LIMA1: variants seen among roughly 807,000 people sequenced by gnomAD.
LIMA1 encodes LIM domain and actin binding 1, also known as LIM domain and actin-binding protein 1.
In LIMA1, 52 loss-of-function variants were observed where a neutral mutation model predicts 62.6. The ratio of observed to expected loss-of-function variants is 0.83; its 90% CI spans 0.67 to 1.05. The LOEUF is 1.05. LIMA1 is among the 50% of genes least tolerant of loss of function. LIMA1 has a pLI of 0.00. For synonymous variants in LIMA1, 302 were observed against 317.8 expected, an observed-to-expected ratio of 0.95 and a Z score of 0.53; for missense variants, 780 against 902.2, an observed-to-expected ratio of 0.86 and a Z score of 1.74.
chr12:50,229,067 C>T (rs961687924), intron 3 of LIMA1, among the ~76,000 whole-genome samples: 3 of 152,186 alleles, frequency 2.0e-5, no homozygotes, highest in African/African-American at 7.2e-5. Context: ...ATTCAACATA[C>T]ATCCTGACCA....
intron 3 of LIMA1, among the ~76,000 whole-genome samples, chr12:50,227,237 CTTTTTTTTTT>C (rs199650468): frequency 1.6e-5 from 2 of 123,992 alleles, no homozygotes; most frequent in Non-Finnish European, 3.3e-5. Context: ...TTTTTCTTTT[CTTTTTTTTTT>C]TTTTTTTTTG....
intron 1 of LIMA1, among the ~76,000 whole-genome samples, chr12:50,265,397 G>A (rs1374679595): frequency 6.6e-6 from 1 of 152,022 alleles, no homozygotes; most frequent in Admixed American, 6.6e-5. Flanking sequence ...GCGCATGCCT[G>A]TAATCCCAGC....
At position 50,206,188 on chromosome 12, in the gene LIMA1, A is replaced by G. The variant is rs1941149770; in HGVS notation, c.631-120T>C. ...GATTTGATTTTATATTTTATATTCT[A>G]TAGAATTTTTTTTAAATTACAAATA... On this transcript the variant is annotated intron_variant, in intron 4 of 10. Transcript: ENST00000341247. The G allele has an allele frequency of 1.6e-5, 12 of 728,874 alleles. No homozygotes were observed. The South Asian group carries it at 2.4e-4, about 15-fold the overall frequency. 45.2% of individuals were successfully genotyped at this position (728,874 alleles called of 1,614,324 possible).
Position 50,204,631 on chromosome 12 carries a change from A to G in LIMA1, c.785T>C (p.Leu262Pro). ...TCGATCCTTTATAGAGGTTTCTGAGAGGCGTGGAAGTTCCAGATTTCGTCT... is the reference window on the plus strand; with the variant it reads ...TCGATCCTTTATAGAGGTTTCTGAGGGGCGTGGAAGTTCCAGATTTCGTCT... Reference protein sequence around the residue: ...ESRRNLELPRLSETSIKDRMA... With the variant: ...ESRRNLELPRPSETSIKDRMA... Residue 262 changes from leucine to proline, a missense_variant, in exon 6 of 11, where the codon CTC becomes CCC. Coordinates refer to ENST00000341247, the MANE Select transcript of LIMA1 (RefSeq NM_016357.5). The G allele has an allele frequency of 6.2e-7, 1 of 1,614,240 alleles. No individual in the cohort carries two copies.
chr12:50,204,824 A>T, intron 5 of LIMA1, 124 bp from the exon 6 acceptor site: 1 of 860,344 alleles, frequency 1.2e-6, no homozygotes. Context: ...AGCTCAAGAT[A>T]TCCTCCCGCC....
intron 10 of LIMA1, among the ~76,000 whole-genome samples, chr12:50,180,753 C>T (rs1002372357): frequency 6.6e-6 from 1 of 151,956 alleles, no homozygotes; most frequent in Non-Finnish European, 1.5e-5. Context: ...CCTTAAGTTA[C>T]GAACCATTCT....
intron 1 of LIMA1, among the ~76,000 whole-genome samples, chr12:50,262,735 C>T (rs34833957): frequency 0.2 from 29,828 of 152,054 alleles, 3,840 homozygotes; most frequent in South Asian, 0.34. Flanking sequence ...AGGAGGATCA[C>T]TTGAGCCCAG....
chr12:50,262,235 T>C (rs1278829412), intron 1 of LIMA1, among the ~76,000 whole-genome samples: 1 of 152,124 alleles, frequency 6.6e-6, no homozygotes, highest in African/African-American at 2.4e-5. Context: ...AATAGTAATT[T>C]TAGAAACCAA....
chr12:50,270,619 A>AG (rs1317269429), intron 1 of LIMA1, among the ~76,000 whole-genome samples: 1 of 150,882 alleles, frequency 6.6e-6, no homozygotes, highest in African/African-American at 2.4e-5. Flanking sequence ...AAAAAAAAAA[A>AG]AAAAAAAAAA....
At chr12:50,199,191 C>G (rs1450868574) in intron 7 of LIMA1, among the ~76,000 whole-genome samples, 1 of 152,154 alleles carries the variant, frequency 6.6e-6, no homozygotes, top group Non-Finnish European at 1.5e-5. Context: ...ATTAGCCAGG[C>G]ATGGTGGCAC....
intron 1 of LIMA1, among the ~76,000 whole-genome samples, chr12:50,269,922 TA>T (rs1172694068): frequency 0.038 from 3,564 of 94,746 alleles, 70 homozygotes; most frequent in Non-Finnish European, 0.047. Flanking sequence ...CTCCGTCAAA[TA>T]AAAAAAAAAA....
intron 9 of LIMA1, among the ~76,000 whole-genome samples, chr12:50,184,511 G>T (rs1044045031): frequency 6.6e-6 from 1 of 152,078 alleles, no homozygotes; most frequent in Non-Finnish European, 1.5e-5. Flanking sequence ...GCGTGGTGGC[G>T]GGCGCCTGTA....
At chr12:50,197,349 C>A (rs901290570) in intron 7 of LIMA1, among the ~76,000 whole-genome samples, 4 of 151,342 alleles carry the variant, frequency 2.6e-5, no homozygotes, top group Non-Finnish European at 5.9e-5. Flanking sequence ...GGATTACAGG[C>A]GTGAGCCACC....
At chr12:50,236,389 C>G (rs888777338) in intron 2 of LIMA1, among the ~76,000 whole-genome samples, 10 of 150,844 alleles carry the variant, frequency 6.6e-5, no homozygotes, top group African/African-American at 2.2e-4. Context: ...CGTCTGCCTC[C>G]CAGGTTCAAG....
At chr12:50,275,696 TG>T (rs1390699943) in intron 1 of LIMA1, among the ~76,000 whole-genome samples, 2 of 151,986 alleles carry the variant, frequency 1.3e-5, no homozygotes, top group African/African-American at 4.8e-5. Context: ...CATGAGGCTG[TG>T]GTAACTGCAT....
chr12:50,244,493 C>T (rs1697109021), intron 2 of LIMA1, among the ~76,000 whole-genome samples: 1 of 152,180 alleles, frequency 6.6e-6, no homozygotes, highest in Non-Finnish European at 1.5e-5. Flanking sequence ...CCTGCCATGG[C>T]CTCCCAAAGT....
At position 50,244,073 on chromosome 12, in the gene LIMA1, G is replaced by A. The variant is rs576590431; in HGVS notation, c.119+4560C>T. Among the ~76,000 whole-genome samples, 141 of 146,290 alleles carry A rather than the reference G, an allele frequency of 9.6e-4. 1 individual carries two copies. Among genetic ancestry groups the A allele is most frequent in the African/African-American group, 3.5e-3 (138 of 39,230 alleles). On this transcript the variant is annotated intron_variant, in intron 2 of 10. Transcript: ENST00000341247. ...GGGATTACAGGCACGCACCACCACC[G>A]CCCAGCTAAATTTTTGTATTTTTTT...
chr12:50,208,557 G>A (rs1720822535), intron 4 of LIMA1, among the ~76,000 whole-genome samples: 1 of 152,194 alleles, frequency 6.6e-6, no homozygotes, highest in African/African-American at 2.4e-5. Flanking sequence ...GGCTGCAGTA[G>A]GAAAATTGCT....
intron 9 of LIMA1, among the ~76,000 whole-genome samples, chr12:50,192,150 GATA>G (rs1201018284): frequency 1.4e-5 from 2 of 147,360 alleles, no homozygotes; most frequent in Non-Finnish European, 3.0e-5. Context: ...AAAAAAAAAA[GATA>G]ATAATAATAA....
Sources: gnomAD v4.1 joint callset for allele counts (sites outside exome capture counted in the v4.1 genomes callset) on GRCh38, gnomAD v4.1.1 for gene constraint, MANE v1.5 for transcripts, NCBI Gene and HGNC (gene_info 2026-07-23, HGNC 2026-07-21) for gene names.